GREB1L: variants seen among roughly 807,000 people sequenced by gnomAD.
GREB1L encodes GREB1-like protein.
A neutral mutation model predicts 200.8 loss-of-function variants in GREB1L; 17 were observed. The ratio of observed to expected loss-of-function variants is 0.08; its 90% CI spans 0.06 to 0.13. GREB1L has a LOEUF of 0.13. Ranked by LOEUF, GREB1L falls within the 10% of genes least tolerant of loss-of-function variation. The pLI is 1.00. For missense variants in GREB1L, 1,657 were observed against 2,367.7 expected, an observed-to-expected ratio of 0.70 and a Z score of 6.23; for synonymous variants, 789 against 893.0, an observed-to-expected ratio of 0.88 and a Z score of 2.08.
At chr18:21,402,257 A>T (rs118037262) in intron 6 of GREB1L, among the ~76,000 whole-genome samples, 191 of 152,250 alleles carry the variant, frequency 1.3e-3, no homozygotes, top group Admixed American at 2.6e-3. Context: ...TAAGAAAAGG[A>T]TAAAAATAGG....
In GREB1L at chr18:21,361,839, C is replaced by A. The variant is rs568575154; in HGVS notation, c.-119-4188C>A. Among the ~76,000 whole-genome samples, 7 of 152,158 alleles carry A rather than the reference C, an allele frequency of 4.6e-5. No homozygotes were observed. In the South Asian group the frequency reaches 1.5e-3, roughly 32 times the overall value. ...TTTAAAGTAGATCATTTAATTGGAT[C>A]TTTTTTTGAGCCTTCTGCAGTGGAG... On this transcript the variant is annotated intron_variant, in intron 1 of 32. Transcript: ENST00000424526.
intron 1 of GREB1L, among the ~76,000 whole-genome samples, chr18:21,343,809 C>T (rs1208734427): frequency 1.8e-4 from 26 of 147,222 alleles, no homozygotes; most frequent in Non-Finnish European, 3.3e-4. Context: ...TGTCTTGGCT[C>T]AGTGCAACCT....
intron 7 of GREB1L, among the ~76,000 whole-genome samples, chr18:21,416,587 G>A (rs2031655434): frequency 6.6e-6 from 1 of 151,878 alleles, no homozygotes; most frequent in East Asian, 1.9e-4. Flanking sequence ...CCAGCTACTC[G>A]GGAGGCTGAG....
At chr18:21,344,043 AG>A (rs1401753448) in intron 1 of GREB1L, among the ~76,000 whole-genome samples, 1 of 152,090 alleles carries the variant, frequency 6.6e-6, no homozygotes, top group Non-Finnish European at 1.5e-5. Context: ...CCAAAGTGTT[AG>A]GATTACAGGC....
chr18:21,513,182 T>C (rs1275838610), intron 27 of GREB1L, among the ~76,000 whole-genome samples: 1 of 152,196 alleles, frequency 6.6e-6, no homozygotes, highest in East Asian at 1.9e-4. Context: ...GTGGTGGAAT[T>C]AGGATTCAAA....
At chr18:21,422,888 T>A (rs1454006296) in intron 7 of GREB1L, among the ~76,000 whole-genome samples, 1 of 152,190 alleles carries the variant, frequency 6.6e-6, no homozygotes, top group Non-Finnish European at 1.5e-5. Flanking sequence ...TGAGTTTATT[T>A]ATTGAACTTT....
At chr18:21,459,241 A>G (rs2034919272) in intron 15 of GREB1L, among the ~76,000 whole-genome samples, 1 of 151,418 alleles carries the variant, frequency 6.6e-6, no homozygotes, top group Non-Finnish European at 1.5e-5. Context: ...GAGAGAGAGG[A>G]AGGCATTCCC....
chr18:21,429,709 C>G (rs117412372), intron 7 of GREB1L, among the ~76,000 whole-genome samples: 234 of 152,190 alleles, frequency 1.5e-3, no homozygotes, highest in Non-Finnish European at 2.4e-3. Flanking sequence ...CTAATTTAGT[C>G]TCTTTGCTTG....
chr18:21,323,004 G>C (rs770426816), intron 1 of GREB1L, among the ~76,000 whole-genome samples: 2 of 152,014 alleles, frequency 1.3e-5, no homozygotes, highest in Admixed American at 1.3e-4. Context: ...AATTGTATTG[G>C]CTGGGCACAG....
chr18:21,253,292 G>A (rs1192295759), intron 1 of GREB1L, among the ~76,000 whole-genome samples: 2 of 134,914 alleles, frequency 1.5e-5, no homozygotes, highest in African/African-American at 5.7e-5. Context: ...TTGCTCTGTC[G>A]CCCAGGCTGG....
chr18:21,336,007 C>G (rs2039179587), intron 1 of GREB1L, among the ~76,000 whole-genome samples: 1 of 152,106 alleles, frequency 6.6e-6, no homozygotes, highest in Non-Finnish European at 1.5e-5. Flanking sequence ...AAACATTCTT[C>G]ATTCTTTCAG....
intron 1 of GREB1L, among the ~76,000 whole-genome samples, chr18:21,361,844 T>C (rs1015422071): frequency 6.6e-6 from 1 of 152,218 alleles, no homozygotes; most frequent in African/African-American, 2.4e-5. Flanking sequence ...TGGATCTTTT[T>C]TTGAGCCTTC....
intron 1 of GREB1L, among the ~76,000 whole-genome samples, chr18:21,288,520 G>A (rs1351170396): frequency 3.9e-5 from 6 of 152,114 alleles, no homozygotes; most frequent in Non-Finnish European, 4.4e-5. Flanking sequence ...AAAATGAAAA[G>A]GCTCCCATTT....
At chr18:21,369,945 T>C (rs2039811282) in intron 2 of GREB1L, among the ~76,000 whole-genome samples, 1 of 130,522 alleles carries the variant, frequency 7.7e-6, no homozygotes, top group African/African-American at 3.1e-5. Flanking sequence ...CGAGACTCCA[T>C]CTCAAAAAAA....
chr18:21,448,977 A>G (rs2034384851), intron 11 of GREB1L, among the ~76,000 whole-genome samples: 3 of 152,232 alleles, frequency 2.0e-5, no homozygotes, highest in African/African-American at 4.8e-5. Flanking sequence ...GCTGCCTCCA[A>G]TATCACTTGG....
chr18:21,445,886 A>T (rs1249437709), intron 11 of GREB1L, among the ~76,000 whole-genome samples: 2 of 152,254 alleles, frequency 1.3e-5, no homozygotes, highest in Non-Finnish European at 2.9e-5. Flanking sequence ...CTGAAATTAG[A>T]TTATAGACTG....
chr18:21,459,898 T>G (rs1480210317), intron 15 of GREB1L, among the ~76,000 whole-genome samples: 1 of 152,124 alleles, frequency 6.6e-6, no homozygotes, highest in Non-Finnish European at 1.5e-5. Context: ...GTCCGGGGGA[T>G]GGCCCAGCCA....
chr18:21,252,224 ATTTG>A (rs2037717638), intron 1 of GREB1L, among the ~76,000 whole-genome samples: 1 of 152,174 alleles, frequency 6.6e-6, no homozygotes, highest in Non-Finnish European at 1.5e-5. Context: ...GAAGTAGTTT[ATTTG>A]TTCTTTGAAA....
chr18:21,289,429 C>T (rs1390203853), intron 1 of GREB1L, among the ~76,000 whole-genome samples: 2 of 151,770 alleles, frequency 1.3e-5, no homozygotes, highest in Non-Finnish European at 2.9e-5. Context: ...GTACCAGCTA[C>T]TTGGGAGGCT....
Sources: gnomAD v4.1 joint callset for allele counts (sites outside exome capture counted in the v4.1 genomes callset) on GRCh38, gnomAD v4.1.1 for gene constraint, MANE v1.5 for transcripts, NCBI Gene and HGNC (gene_info 2026-07-23, HGNC 2026-07-21) for gene names.